Variants in STOX2 observed in about 807,000 individuals in gnomAD.
The protein encoded by STOX2 is storkhead-box protein 2.
Under a neutral mutation model 60.9 loss-of-function variants are expected in STOX2, and 28 were observed. The ratio of observed to expected loss-of-function variants is 0.46; its 90% confidence interval spans 0.34 to 0.63. The LOEUF (loss-of-function observed/expected upper bound fraction) is 0.63, where lower values mean the gene tolerates loss of function less well. STOX2 is among the 30% of genes least tolerant of loss of function. The pLI, the probability that STOX2 is intolerant of heterozygous loss-of-function variation, is 0.01. For missense variants in STOX2, 1,024 were observed against 1,187.7 expected (o/e 0.86, Z 2.03); for synonymous variants, 472 against 463.9 (o/e 1.02, Z -0.22).
intron 1 of STOX2, among the ~76,000 whole-genome samples, chr4:183,934,529 G>A (rs944662848): frequency 2.6e-5 from 4 of 151,848 alleles, no homozygotes; most frequent in Non-Finnish European, 4.4e-5. Flanking sequence ...TTTTATTCTT[G>A]TCTCCTTTAC....
At position 183,906,928 on chromosome 4, in the gene STOX2, C is replaced by T. The variant is rs555013600; in HGVS notation, c.138C>T (p.Pro46=). ...LHKRFPAAFA[P]QASRGYMTSG... ...AGCGTTTCCCCGCGGCCTTCGCGCCCCAGGCTTCGCGGGGCTACATGACAT... is the reference window on the plus strand; with the variant it reads ...AGCGTTTCCCCGCGGCCTTCGCGCCTCAGGCTTCGCGGGGCTACATGACAT... The change falls in exon 1 of 4, where the codon CCC becomes CCT. Residue 46 remains proline, a synonymous_variant. Transcript: ENST00000308497. 1.8e-5 allele frequency: 28 copies of T among 1,548,948 alleles called. 1 individual carries two copies. The South Asian group carries it at 2.3e-4, about 13-fold the overall frequency.
Position 183,870,297 on chromosome 4 carries a change from T to C in STOX2, c.364+72242T>C, listed in dbSNP as rs535427650. On this transcript the variant is annotated intron_variant, in intron 1 of 2. Coordinates refer to the STOX2 transcript ENST00000513034. ...ATAAAAGTGTTTGTGTTCTAAGAGTTCATTTGTGAGTAAATGACTGCTTGT... is the reference window on the plus strand; with the variant it reads ...ATAAAAGTGTTTGTGTTCTAAGAGTCCATTTGTGAGTAAATGACTGCTTGT... Among the ~76,000 whole-genome samples the C allele has an allele frequency of 3.9e-5, 6 of 152,242 alleles. No individual in the cohort carries two copies. The South Asian group carries it at 1.2e-3, about 32-fold the overall frequency.
At chr4:183,917,499 G>A (rs1004001415) in intron 1 of STOX2, among the ~76,000 whole-genome samples, 7 of 152,202 alleles carry the variant, frequency 4.6e-5, no homozygotes, top group South Asian at 4.1e-4. Flanking sequence ...TGGAATGTGC[G>A]TTCTGTTAAC....
chr4:183,886,448 C>G (rs184942693), intron 1 of STOX2, among the ~76,000 whole-genome samples: 2 of 152,156 alleles, frequency 1.3e-5, no homozygotes, highest in Admixed American at 1.3e-4. Context: ...CTGGATTTTT[C>G]AGTAATACAG....
intron 1 of STOX2, among the ~76,000 whole-genome samples, chr4:183,871,251 A>G (rs1740683025): frequency 6.6e-6 from 1 of 152,200 alleles, no homozygotes. Flanking sequence ...CTCTTCAGGG[A>G]ATAAGAATTC....
At chr4:183,960,224 G>A (rs1274210040) in intron 1 of STOX2, 1 of 152,218 alleles carries the variant, frequency 6.6e-6, no homozygotes, top group Non-Finnish European at 1.5e-5. Context: ...TGTTGTCTTT[G>A]TGTGAACCGG....
chr4:183,831,135 G>T (rs1360199376), intron 1 of STOX2, among the ~76,000 whole-genome samples: 1 of 151,836 alleles, frequency 6.6e-6, no homozygotes, highest in Non-Finnish European at 1.5e-5. Flanking sequence ...CGTGAGGGGG[G>T]ATGGTGGGGG....
intron 1 of STOX2, among the ~76,000 whole-genome samples, chr4:183,872,159 AT>A (rs1283554419): frequency 6.6e-6 from 1 of 152,094 alleles, no homozygotes; most frequent in Non-Finnish European, 1.5e-5. Context: ...GGTTCAAGCA[AT>A]TCTCCTACCT....
intron 1 of STOX2, among the ~76,000 whole-genome samples, chr4:183,874,842 C>T (rs1481765941): frequency 2.1e-5 from 3 of 139,772 alleles, no homozygotes; most frequent in Admixed American, 7.5e-5. Flanking sequence ...AGGAGAATGG[C>T]GTGAACCCAG....
chr4:183,802,527 C>T (rs1738788603), intron 1 of STOX2, among the ~76,000 whole-genome samples: 1 of 151,644 alleles, frequency 6.6e-6, no homozygotes, highest in African/African-American at 2.4e-5. Flanking sequence ...GCACACACCA[C>T]TAAGCCTGGC....
At chr4:183,898,179 C>G (rs557943530) in intron 1 of STOX2, among the ~76,000 whole-genome samples, 2 of 152,294 alleles carry the variant, frequency 1.3e-5, no homozygotes, top group Non-Finnish European at 1.5e-5. Context: ...CTCTCCTTCT[C>G]CAGTGCCTTG....
rs1734445308 is a variant in STOX2, at chr4:184,017,870, G to A, written c.*586G>A. 6.6e-6 allele frequency: 1 copy of A among 152,174 alleles called. No individual in the cohort carries two copies. The highest frequency in any genetic ancestry group is 1.5e-5 in the Non-Finnish European group (1 of 68,028). The allele number at this position is 152,174 out of a possible 1,614,324, so 9.4% of individuals were successfully genotyped here. On this transcript the variant is annotated 3_prime_UTR_variant, in exon 4 of 4. Coordinates refer to ENST00000308497, the MANE Select transcript of STOX2 (RefSeq NM_020225.3). ...TTATGCACCAGTCATTTTTCACTGTGAGTTTTCGTGACACTATTTTGCAGG... is the reference window on the plus strand; with the variant it reads ...TTATGCACCAGTCATTTTTCACTGTAAGTTTTCGTGACACTATTTTGCAGG...
chr4:183,860,328 G>T (rs1221864850), intron 1 of STOX2, among the ~76,000 whole-genome samples: 1 of 151,644 alleles, frequency 6.6e-6, no homozygotes, highest in African/African-American at 2.4e-5. Context: ...TAGCTAATTA[G>T]TGGCCCAGCC....
At chr4:184,006,269 T>G (rs10023264) in intron 2 of STOX2, among the ~76,000 whole-genome samples, 48,049 of 152,020 alleles carry the variant, frequency 0.32, 7,687 homozygotes, top group Middle Eastern at 0.4. Context: ...TTGAAAAAGT[T>G]TGTCACATTG....
At chr4:183,903,839 A>G (rs1024495981), upstream of STOX2, among the ~76,000 whole-genome samples, 1 of 152,134 alleles carries the variant, frequency 6.6e-6, no homozygotes, top group Non-Finnish European at 1.5e-5. Flanking sequence ...TGTTCCTTGG[A>G]CTGGGGTGGG....
At chr4:183,954,391 C>T (rs1404674200) in intron 1 of STOX2, among the ~76,000 whole-genome samples, 1 of 151,922 alleles carries the variant, frequency 6.6e-6, no homozygotes, top group African/African-American at 2.4e-5. Flanking sequence ...CAGGTTCAAG[C>T]GATTCTCTTG....
At chr4:183,809,424 G>C (rs1286768063) in intron 1 of STOX2, among the ~76,000 whole-genome samples, 1 of 151,946 alleles carries the variant, frequency 6.6e-6, no homozygotes. Flanking sequence ...TATTGAGACG[G>C]AGTCTTGCTC....
chr4:183,893,304 G>C (rs1052403791), intron 1 of STOX2, among the ~76,000 whole-genome samples: 1 of 152,212 alleles, frequency 6.6e-6, no homozygotes, highest in Non-Finnish European at 1.5e-5. Context: ...CCCTGCAGTA[G>C]GCTGGGACCA....
At chr4:183,943,611 T>A (rs1742807367) in intron 1 of STOX2, among the ~76,000 whole-genome samples, 1 of 152,220 alleles carries the variant, frequency 6.6e-6, no homozygotes, top group African/African-American at 2.4e-5. Flanking sequence ...GAATCATTCT[T>A]GAGTTTTATG....
Sources: allele counts gnomAD v4.1 joint callset (sites outside exome capture counted in the v4.1 genomes callset), GRCh38; gene constraint gnomAD v4.1.1; transcripts MANE v1.5; gene names NCBI Gene and HGNC (gene_info 2026-07-23, HGNC 2026-07-21).